NPSR1: variants seen among roughly 807,000 people sequenced by gnomAD.
NPSR1 encodes neuropeptide S receptor.
NPSR1 carries 48 observed loss-of-function variants against 46.9 expected under a neutral mutation model. The ratio of observed to expected loss-of-function variants is 1.02; its 90% CI spans 0.81 to 1.30. The LOEUF (loss-of-function observed/expected upper bound fraction) is 1.30. Among genes scored for constraint, NPSR1 ranks in the 50% most tolerant of loss-of-function variants. The pLI, the probability that NPSR1 is intolerant of heterozygous loss-of-function variation, is 0.00. For synonymous variants in NPSR1, 176 were observed against 168.1 expected (o/e 1.05, Z -0.36); for missense variants, 450 against 449.5 (o/e 1.00, Z -0.01).
Position 34,876,989 on chromosome 7 carries a change from C to G in NPSR1, c.1026-1087C>G, listed in dbSNP as rs1339610303. On this transcript the variant is annotated intron_variant, in intron 8 of 8. Transcript: ENST00000359791. ...GGTCACATGGCAGAGCCTGAGTCCCCCATACAGACACACAACCTGGGCCTG... is the reference window on the plus strand; with the variant it reads ...GGTCACATGGCAGAGCCTGAGTCCCGCATACAGACACACAACCTGGGCCTG... 1.1e-4 allele frequency among the ~76,000 whole-genome samples: 16 copies of G among 152,260 alleles called. No individual in the cohort carries two copies. The East Asian group carries it at 2.9e-3, about 28-fold the overall frequency.
intron 3 of NPSR1, among the ~76,000 whole-genome samples, chr7:34,802,634 A>G (rs1788477445): frequency 1.3e-5 from 2 of 150,422 alleles, no homozygotes; most frequent in Non-Finnish European, 2.9e-5. Flanking sequence ...CCTAAGCATT[A>G]CCATTCAGGA....
At chr7:34,815,566 G>C (rs544380070) in intron 4 of NPSR1, among the ~76,000 whole-genome samples, 28 of 152,154 alleles carry the variant, frequency 1.8e-4, no homozygotes, top group South Asian at 4.2e-4. Context: ...GAAATACAGA[G>C]AACACCACAA....
intron 1 of NPSR1, among the ~76,000 whole-genome samples, chr7:34,680,008 G>A (rs999930034): frequency 6.6e-6 from 1 of 151,960 alleles, no homozygotes; most frequent in South Asian, 2.1e-4. Flanking sequence ...GAAATGTTAT[G>A]TAAAGAATTG....
intron 3 of NPSR1, among the ~76,000 whole-genome samples, chr7:34,790,754 TTA>T (rs1562729384): frequency 2.3e-5 from 3 of 128,798 alleles, no homozygotes; most frequent in African/African-American, 5.4e-5. Context: ...ATAATATATG[TTA>T]TATGTTATAT....
intron 1 of NPSR1, among the ~76,000 whole-genome samples, chr7:34,665,071 G>A (rs1791667697): frequency 6.6e-6 from 1 of 152,104 alleles, no homozygotes; most frequent in African/African-American, 2.4e-5. Flanking sequence ...AAGTCTGAGG[G>A]AAGTTAAAGG....
intron 2 of NPSR1, among the ~76,000 whole-genome samples, chr7:34,757,885 C>T (rs1256038177): frequency 6.6e-6 from 1 of 152,202 alleles, no homozygotes; most frequent in Admixed American, 6.5e-5. Flanking sequence ...TCAGACTCTT[C>T]TAGAGGTCTA....
In NPSR1 at chr7:34,658,487, T is replaced by C. The variant is rs760533591; in HGVS notation, c.75T>C (p.Ala25=). 1 of 1,614,054 alleles carries C rather than the reference T, an allele frequency of 6.2e-7. No individual in the cohort carries two copies. Among genetic ancestry groups the C allele is most frequent in the Non-Finnish European group, 8.5e-7 (1 of 1,179,982 alleles). The change falls in exon 1 of 9, where the codon GCT becomes GCC. Residue 25 remains alanine, a synonymous_variant. Transcript: ENST00000360581. ...AGACGCTGGATTCTTCCCCAGTGGC[T>C]TGCACTGAAACAGTGACTTTTACTG... ...TGQTLDSSPV[A]CTETVTFTEV...
intron 8 of NPSR1, among the ~76,000 whole-genome samples, chr7:34,873,488 G>A (rs945811408): frequency 6.6e-6 from 1 of 151,722 alleles, no homozygotes; most frequent in Non-Finnish European, 1.5e-5. Flanking sequence ...CATGGTGCTG[G>A]CACCCACCTC....
chr7:34,839,958 C>A (rs929341417), intron 6 of NPSR1, among the ~76,000 whole-genome samples: 5 of 152,088 alleles, frequency 3.3e-5, no homozygotes, highest in Non-Finnish European at 7.4e-5. Flanking sequence ...GTTGTGTGCC[C>A]TGGGGAAACA....
intron 3 of NPSR1, among the ~76,000 whole-genome samples, chr7:34,789,319 G>A (rs1052925274): frequency 1.3e-5 from 2 of 151,800 alleles, no homozygotes; most frequent in African/African-American, 4.8e-5. Context: ...AACAAATGGA[G>A]AATAGAAAAA....
chr7:34,819,262 AAC>A (rs1283751276), intron 4 of NPSR1, among the ~76,000 whole-genome samples: 1 of 152,264 alleles, frequency 6.6e-6, no homozygotes, highest in Non-Finnish European at 1.5e-5. Flanking sequence ...AAAGGATATG[AAC>A]AGACACTTCT....
intron 2 of NPSR1, among the ~76,000 whole-genome samples, chr7:34,718,498 A>T (rs1783685583): frequency 6.6e-6 from 1 of 152,172 alleles, no homozygotes; most frequent in South Asian, 2.1e-4. Flanking sequence ...TCTTTTTTAG[A>T]GGATTGTTTT....
intron 8 of NPSR1, among the ~76,000 whole-genome samples, chr7:34,867,103 A>C (rs1791331372): frequency 6.6e-6 from 1 of 151,638 alleles, no homozygotes; most frequent in Non-Finnish European, 1.5e-5. Context: ...ACCCATAAAC[A>C]TGGGCTGCGG....
At chr7:34,749,141 G>A (rs917408470) in intron 2 of NPSR1, among the ~76,000 whole-genome samples, 14 of 152,104 alleles carry the variant, frequency 9.2e-5, no homozygotes, top group African/African-American at 3.4e-4. Context: ...CCTCTGCAAT[G>A]TTCATGACCC....
At chr7:34,876,319 T>G (rs1285277279) in intron 8 of NPSR1, among the ~76,000 whole-genome samples, 1 of 152,182 alleles carries the variant, frequency 6.6e-6, no homozygotes, top group African/African-American at 2.4e-5. Flanking sequence ...GCTTATGCTT[T>G]TTGGATCTCA....
At chr7:34,728,922 AAT>A (rs1237998518) in intron 2 of NPSR1, 1 of 152,584 alleles carries the variant, frequency 6.6e-6, no homozygotes, top group African/African-American at 2.4e-5. Flanking sequence ...TCTATTAAAT[AAT>A]AGAGAGAAAT....
chr7:34,697,862 C>A (rs1012484299), intron 2 of NPSR1, among the ~76,000 whole-genome samples: 2 of 151,906 alleles, frequency 1.3e-5, no homozygotes, highest in Non-Finnish European at 2.9e-5. Context: ...GTACACTTAA[C>A]CTCAAATGTA....
At chr7:34,689,258 A>C (rs987616870) in intron 2 of NPSR1, among the ~76,000 whole-genome samples, 2 of 152,182 alleles carry the variant, frequency 1.3e-5, no homozygotes, top group Non-Finnish European at 2.9e-5. Flanking sequence ...GCTGCAGCTG[A>C]ACTTTATCCA....
chr7:34,832,224 C>A (rs1469228553), intron 5 of NPSR1, among the ~76,000 whole-genome samples: 2 of 152,102 alleles, frequency 1.3e-5, no homozygotes, highest in Admixed American at 6.6e-5. Context: ...TCTGATTGAT[C>A]AGATAAAGGA....
Sources: gnomAD v4.1 joint callset for allele counts (sites outside exome capture counted in the v4.1 genomes callset) on GRCh38, gnomAD v4.1.1 for gene constraint, MANE v1.5 for transcripts, NCBI Gene and HGNC (gene_info 2026-07-23, HGNC 2026-07-21) for gene names.